The following CCSAP variants were observed in gnomAD, a reference collection of about 807,000 sequenced individuals.
CCSAP encodes centriole, cilia and spindle associated protein, also known as centriole, cilia and spindle-associated protein.
A neutral mutation model predicts 25.9 loss-of-function variants in CCSAP; 17 were observed. The ratio of observed to expected loss-of-function variants is 0.66; its 90% CI spans 0.45 to 0.99. CCSAP has a LOEUF of 0.99. Among genes scored for constraint, CCSAP ranks in the 50% least tolerant of loss-of-function variants. The pLI is 0.00. For missense variants in CCSAP, 339 were observed against 367.8 expected (o/e 0.92, Z 0.64); for synonymous variants, 169 against 157.1 (o/e 1.08, Z -0.57).
intron 2 of CCSAP, among the ~76,000 whole-genome samples, chr1:229,339,823 C>T (rs769221540): frequency 1.8e-4 from 27 of 152,038 alleles, no homozygotes; most frequent in African/African-American, 5.3e-4. Context: ...GGGCACAATA[C>T]GGTACATACT....
chr1:229,325,236 T>G lies in CCSAP; in HGVS notation c.812A>C (p.Ter271SerextTer10). The part of the protein sequence containing the change: ...EYMRCYSARA[*>S] ...GAGGCTGTCCACGCAAGTGTTTCTT[T>G]AAGCTCTTGCCGAATAGCACCTCAT... The change falls in exon 4 of 4, where the codon TAA (stop) becomes TCA (serine). Residue 271 changes from the stop codon to serine, a stop_lost. Transcript: ENST00000284617. 6.3e-7 allele frequency: 1 copy of G among 1,596,738 alleles called. No homozygotes were observed. The highest frequency in any genetic ancestry group is 1.2e-5 in the South Asian group (1 of 86,950).
chr1:229,331,968 A>C (rs1235913554), intron 2 of CCSAP, among the ~76,000 whole-genome samples: 2 of 151,900 alleles, frequency 1.3e-5, no homozygotes, highest in Non-Finnish European at 2.9e-5. Flanking sequence ...TCAGCCTCCC[A>C]AATAGCTGGG....
At chr1:229,339,350 A>C (rs114404039) in intron 2 of CCSAP, among the ~76,000 whole-genome samples, 2,985 of 152,322 alleles carry the variant, frequency 0.02, 46 homozygotes, top group Middle Eastern at 0.048. Flanking sequence ...ATAACACATA[A>C]GGAGGAATGC....
chr1:229,334,206 G>A lies in CCSAP; in HGVS notation c.368-7200C>T, dbSNP rs369848901. Among the ~76,000 whole-genome samples the A allele has an allele frequency of 1.8e-4, 28 of 152,256 alleles. 1 individual carries two copies. The highest frequency in any genetic ancestry group is 4.6e-4 in the African/African-American group (19 of 41,556). The stretch of plus-strand genomic sequence containing the variant: ...GTGCCTCAGCCACCCAAATAGCTGG[G>A]ATTACAGGCGCACGCCACCACACCC... On this transcript the variant is annotated intron_variant, in intron 2 of 3. Coordinates refer to ENST00000284617, the MANE Select transcript of CCSAP (RefSeq NM_145257.5).
intron 2 of CCSAP, among the ~76,000 whole-genome samples, chr1:229,338,446 A>G (rs1343965808): frequency 6.6e-6 from 1 of 152,056 alleles, no homozygotes; most frequent in Non-Finnish European, 1.5e-5. Flanking sequence ...TGAAGTAAGG[A>G]ATCGGAGACA....
chr1:229,332,031 C>T (rs746341602), intron 2 of CCSAP, among the ~76,000 whole-genome samples: 4 of 151,790 alleles, frequency 2.6e-5, no homozygotes, highest in East Asian at 1.9e-4. Flanking sequence ...TTAGTAGAGA[C>T]GGGGTTTCAT....
In CCSAP at chr1:229,342,210, CT is replaced by C; in HGVS notation, c.255del (p.Glu86SerfsTer41). 1 of 1,254,702 alleles carries C rather than the reference CT, an allele frequency of 8.0e-7. No individual in the cohort carries two copies. The highest frequency in any genetic ancestry group is 1.0e-6 in the Non-Finnish European group (1 of 1,002,126). The allele number at this position is 1,254,702 out of a possible 1,614,324, so 77.7% of individuals were successfully genotyped here. A position where few individuals can be genotyped will look rare whatever the true frequency, so the allele number is the denominator to read the frequency against. Reference protein sequence around the residue: ...RCAPPSPPPPVEPATQEEAER... With the variant: ...RCAPPSPPPPXEPATQEEAER... ...TCCGCCTCCTCCTGGGTCGCCGGCT[CT>C]ACGGGCGGCGGGGGCGAGGGCGGGG... On this transcript the variant is annotated frameshift_variant, in exon 2 of 4. Coordinates refer to ENST00000284617, the MANE Select transcript of CCSAP (RefSeq NM_145257.5). LOFTEE classifies it high-confidence loss of function. The surrounding 1 kb of genome is among the most constrained non-coding windows in gnomAD (Gnocchi z 7.5).
intron 2 of CCSAP, among the ~76,000 whole-genome samples, chr1:229,337,678 A>AAAAAAAAAATATAT: frequency 1.5e-5 from 1 of 65,514 alleles, no homozygotes; most frequent in East Asian, 3.2e-4. Context: ...CTCAAAAAAA[A>AAAAAAAAAATATAT]ATATATATAT....
chr1:229,333,193 GA>G (rs1658111441), intron 2 of CCSAP, among the ~76,000 whole-genome samples: 1 of 152,150 alleles, frequency 6.6e-6, no homozygotes, highest in Admixed American at 6.5e-5. Flanking sequence ...AGCACTTTGG[GA>G]GGCCAAGGCG....
At chr1:229,337,670 C>CAAAAAAAAAAAAAAAAAAAA (rs539736168) in intron 2 of CCSAP, among the ~76,000 whole-genome samples, 14 of 55,972 alleles carry the variant, frequency 2.5e-4, no homozygotes, top group South Asian at 4.6e-4. Context: ...ATCAAAGGCT[C>CAAAAAAAAAAAAAAAAAAAA]AAAAAAAAAT....
chr1:229,339,780 T>C (rs190537249), intron 2 of CCSAP, among the ~76,000 whole-genome samples: 3 of 152,106 alleles, frequency 2.0e-5, no homozygotes, highest in Non-Finnish European at 4.4e-5. Context: ...TCATGGGAAA[T>C]AGTATGGGTC....
intron 2 of CCSAP, among the ~76,000 whole-genome samples, chr1:229,341,064 C>T (rs992182849): frequency 6.6e-6 from 1 of 151,932 alleles, no homozygotes; most frequent in African/African-American, 2.4e-5. Context: ...CGTGGTGGCG[C>T]GTGCCTGTAA....
intron 2 of CCSAP, among the ~76,000 whole-genome samples, chr1:229,334,161 C>G (rs1658143935): frequency 6.6e-6 from 1 of 152,200 alleles, no homozygotes; most frequent in African/African-American, 2.4e-5. Context: ...ACCTCCACCT[C>G]CTGGGTTCAG....
At chr1:229,332,662 GGCCAGTCCAATACAATA>G (rs1180358263) in intron 2 of CCSAP, among the ~76,000 whole-genome samples, 1 of 152,064 alleles carries the variant, frequency 6.6e-6, no homozygotes, top group African/African-American at 2.4e-5. Flanking sequence ...ATTTAGAACT[GGCCAGTCCAATACAATA>G]GCCATGAACC....
At position 229,325,221 on chromosome 1, in the gene CCSAP, ACG is replaced by A. The variant is rs1657912529; in HGVS notation, c.*12_*13del. ...TTACACTTTTTAAAAGAGGCTGTCC[ACG>A]CAAGTGTTTCTTTAAGCTCTTGCCG... is the stretch of plus-strand genomic sequence containing the variant. On this transcript the variant is annotated 3_prime_UTR_variant, in exon 4 of 4. Coordinates refer to ENST00000284617, the MANE Select transcript of CCSAP (RefSeq NM_145257.5). The A allele has an allele frequency of 8.9e-6, 14 of 1,581,776 alleles. No homozygotes were observed. The highest frequency in any genetic ancestry group is 1.2e-5 in the Non-Finnish European group (14 of 1,168,828).
chr1:229,329,868 G>A (rs990794335), intron 2 of CCSAP, among the ~76,000 whole-genome samples: 1 of 152,212 alleles, frequency 6.6e-6, no homozygotes, highest in Admixed American at 6.5e-5. Flanking sequence ...GTACACGCCT[G>A]TGATCTCACC....
At chr1:229,335,244 A>G (rs1658169326) in intron 2 of CCSAP, among the ~76,000 whole-genome samples, 1 of 152,144 alleles carries the variant, frequency 6.6e-6, no homozygotes, top group Non-Finnish European at 1.5e-5. Context: ...GCTTGAACCC[A>G]GGAGGTCAAT....
chr1:229,332,255 G>A (rs1658086012), intron 2 of CCSAP, among the ~76,000 whole-genome samples: 2 of 152,188 alleles, frequency 1.3e-5, no homozygotes, highest in Non-Finnish European at 2.9e-5. Context: ...CCAGTTTGAA[G>A]TTGGTCAGCC....
At chr1:229,340,393 G>C (rs1658303365) in intron 2 of CCSAP, 1 of 716,688 alleles carries the variant, frequency 1.4e-6, no homozygotes, top group Non-Finnish European at 2.6e-6. Context: ...CATGAACTCA[G>C]AGCTTACCTG....
Sources: allele counts gnomAD v4.1 joint callset (sites outside exome capture counted in the v4.1 genomes callset), GRCh38; gene constraint gnomAD v4.1.1; non-coding constraint Gnocchi (gnomAD v3.1); transcripts MANE v1.5; gene names NCBI Gene and HGNC (gene_info 2026-07-23, HGNC 2026-07-21).